NEGR1: variants seen among roughly 807,000 people sequenced by gnomAD.
NEGR1 encodes neuronal growth regulator 1.
A neutral mutation model predicts 40.9 loss-of-function variants in NEGR1; 10 were observed. The ratio of observed to expected loss-of-function variants is 0.24; its 90% CI spans 0.15 to 0.42. The LOEUF is 0.42. Among genes scored for constraint, NEGR1 ranks in the 10% least tolerant of loss-of-function variants. The pLI is 1.00. For synonymous variants in NEGR1, 185 were observed against 166.8 expected, an observed-to-expected ratio of 1.11 and a Z score of -0.84; for missense variants, 352 against 438.9, an observed-to-expected ratio of 0.80 and a Z score of 1.77.
At chr1:71,836,438 A>G (rs112774660) in intron 2 of NEGR1, among the ~76,000 whole-genome samples, 1 of 145,946 alleles carries the variant, frequency 6.9e-6, no homozygotes, top group Non-Finnish European at 1.5e-5. Context: ...CAAAAAAAAA[A>G]CAAAAAAACA....
At chr1:72,059,975 A>G (rs907155429) in intron 1 of NEGR1, among the ~76,000 whole-genome samples, 2 of 151,664 alleles carry the variant, frequency 1.3e-5, no homozygotes, top group Non-Finnish European at 3.0e-5. Context: ...CAGTGCCTGA[A>G]GCCTTTCAGT....
intron 3 of NEGR1, among the ~76,000 whole-genome samples, chr1:71,722,430 T>A (rs1341225774): frequency 1.3e-5 from 2 of 152,082 alleles, no homozygotes; most frequent in African/African-American, 4.8e-5. Flanking sequence ...TGATATATGA[T>A]CTCTGTCATT....
chr1:71,880,654 C>T (rs1660559221), intron 2 of NEGR1, among the ~76,000 whole-genome samples: 1 of 151,998 alleles, frequency 6.6e-6, no homozygotes, highest in East Asian at 1.9e-4. Flanking sequence ...TACCATCTGG[C>T]AAAATACGAA....
At chr1:72,182,936 CATA>C (rs371764686) in intron 1 of NEGR1, among the ~76,000 whole-genome samples, 30 of 152,062 alleles carry the variant, frequency 2.0e-4, no homozygotes, top group Middle Eastern at 6.8e-3. Flanking sequence ...AAAAGTTTCA[CATA>C]ATATCATACA....
At chr1:72,206,992 A>G (rs2100456352) in intron 1 of NEGR1, among the ~76,000 whole-genome samples, 1 of 151,780 alleles carries the variant, frequency 6.6e-6, no homozygotes, top group South Asian at 2.1e-4. Context: ...GAAAGTATAA[A>G]TATTAGAGAC....
At chr1:71,820,868 C>T (rs1283515312) in intron 2 of NEGR1, among the ~76,000 whole-genome samples, 1 of 152,044 alleles carries the variant, frequency 6.6e-6, no homozygotes, top group East Asian at 2.0e-4. Context: ...TATTTGTTCT[C>T]ATAACATTAT....
At chr1:72,069,166 T>G (rs1287598422) in intron 1 of NEGR1, among the ~76,000 whole-genome samples, 1 of 152,040 alleles carries the variant, frequency 6.6e-6, no homozygotes, top group Non-Finnish European at 1.5e-5. Context: ...TCCCAGCACT[T>G]TGGGAGGCCA....
At chr1:71,782,977 G>A (rs757626198) in intron 2 of NEGR1, among the ~76,000 whole-genome samples, 2 of 151,110 alleles carry the variant, frequency 1.3e-5, no homozygotes, top group Admixed American at 6.6e-5. Context: ...AGTCCCATGT[G>A]AGTTGGTCTC....
chr1:72,261,409 A>C (rs1242014925), intron 1 of NEGR1, among the ~76,000 whole-genome samples: 1 of 152,068 alleles, frequency 6.6e-6, no homozygotes, highest in Non-Finnish European at 1.5e-5. Context: ...TATGCAGAAC[A>C]CTGGTTTAAA....
intron 1 of NEGR1, among the ~76,000 whole-genome samples, chr1:72,265,459 T>C (rs1034350218): frequency 4.0e-5 from 6 of 151,084 alleles, no homozygotes; most frequent in South Asian, 2.1e-4. Flanking sequence ...AAGAATTAAT[T>C]TGAGCCTAAA....
intron 4 of NEGR1, among the ~76,000 whole-genome samples, chr1:71,685,322 A>ACT (rs1205493817): frequency 8.0e-6 from 1 of 125,302 alleles, no homozygotes; most frequent in Non-Finnish European, 1.8e-5. Flanking sequence ...AATTGACATT[A>ACT]CTTTTTTTTT....
rs1042487802 is a variant in NEGR1, at chr1:71,879,806, T to C, written c.409+55273A>G. On this transcript the variant is annotated intron_variant, in intron 2 of 6. Transcript: ENST00000357731. The stretch of plus-strand genomic sequence containing the variant: ...GTTCAGATGGAACACTAAATGATAC[T>C]TAGTTTTTTTGAAATTCAAGATCTA... Among the ~76,000 whole-genome samples the C allele has an allele frequency of 3.3e-5, 5 of 152,132 alleles. No individual in the cohort carries two copies. In the East Asian group the frequency reaches 9.6e-4, roughly 29 times the overall value.
At chr1:72,107,277 C>A (rs144864152) in intron 1 of NEGR1, among the ~76,000 whole-genome samples, 23 of 151,678 alleles carry the variant, frequency 1.5e-4, no homozygotes, top group African/African-American at 4.8e-4. Flanking sequence ...ACACAAACTT[C>A]ATGGTAAGTC....
chr1:71,637,047 C>T (rs191857541), intron 4 of NEGR1, among the ~76,000 whole-genome samples: 4 of 151,950 alleles, frequency 2.6e-5, no homozygotes, highest in Non-Finnish European at 5.9e-5. Flanking sequence ...GATGTTTATT[C>T]TAGTTCTCCC....
At chr1:72,049,320 G>C (rs1056232032) in intron 1 of NEGR1, among the ~76,000 whole-genome samples, 1 of 151,676 alleles carries the variant, frequency 6.6e-6, no homozygotes, top group Admixed American at 6.6e-5. Flanking sequence ...CTGGGCAAAA[G>C]AGTGAGTCCC....
At chr1:71,530,981 A>G (rs1647340417) in intron 6 of NEGR1, among the ~76,000 whole-genome samples, 1 of 151,294 alleles carries the variant, frequency 6.6e-6, no homozygotes, top group Admixed American at 6.6e-5. Flanking sequence ...TACTTTACCA[A>G]TATTGACTTA....
In NEGR1 at chr1:71,776,275, G is replaced by T. The variant is rs767621179; in HGVS notation, c.432C>A (p.Ile144=). 3.1e-6 allele frequency: 5 copies of T among 1,599,932 alleles called. No homozygotes were observed. The South Asian group carries it at 3.4e-5, about 11-fold the overall frequency. Residue 144 remains isoleucine (I), a synonymous_variant, in exon 3 of 7, where the codon ATC becomes ATA. Coordinates refer to ENST00000357731, the MANE Select transcript of NEGR1 (RefSeq NM_173808.3). ...TVQVPPKIYD[I]SNDMTVNEGT... is the part of the protein sequence containing the mutation. ...CTTCATTGACGGTCATATCATTTGA[G>T]ATGTCATATATCTTAGGAGGAACTG...
chr1:71,553,755 A>G (rs1002898155), intron 6 of NEGR1, among the ~76,000 whole-genome samples: 2 of 151,442 alleles, frequency 1.3e-5, no homozygotes, highest in Non-Finnish European at 3.0e-5. Flanking sequence ...CCTGGAAAAA[A>G]GTTTGATAGG....
Position 71,405,959 on chromosome 1 carries a change from A to T in NEGR1, c.*1487T>A, listed in dbSNP as rs1170550375. On this transcript the variant is annotated 3_prime_UTR_variant, in exon 7 of 7. Transcript: ENST00000357731. ...TCCTGTAAATTAATGTTAGAGTAAC[A>T]GCATTTTCCTTCAAAAATGTAGTTT... 6.6e-6 allele frequency: 1 copy of T among 152,274 alleles called. No homozygotes were observed. Among genetic ancestry groups the T allele is most frequent in the Non-Finnish European group, 1.5e-5 (1 of 67,828 alleles). The allele number at this position is 152,274 out of a possible 1,614,324, so 9.4% of individuals were successfully genotyped here.
Sources: allele counts gnomAD v4.1 joint callset (sites outside exome capture counted in the v4.1 genomes callset), GRCh38; gene constraint gnomAD v4.1.1; transcripts MANE v1.5; gene names NCBI Gene and HGNC (gene_info 2026-07-23, HGNC 2026-07-21).